PLA2G4D: variants seen among roughly 807,000 people sequenced by gnomAD.
The protein encoded by PLA2G4D is cytosolic phospholipase A2 delta.
In PLA2G4D, 80 loss-of-function variants were observed where a neutral mutation model predicts 94.4. The observed-to-expected ratio is 0.85, with a 90% CI of 0.71 to 1.02. The LOEUF (loss-of-function observed/expected upper bound fraction) is 1.02. PLA2G4D is among the 50% of genes least tolerant of loss of function. The pLI is 0.00. For synonymous variants in PLA2G4D, 438 were observed against 440.9 expected (o/e 0.99, Z 0.08); for missense variants, 1,050 against 1,034.7 (o/e 1.01, Z -0.20).
intron 12 of PLA2G4D, among the ~76,000 whole-genome samples, chr15:42,080,007 A>C (rs2037234): frequency 0.31 from 46,864 of 152,250 alleles, 9,105 homozygotes; most frequent in Admixed American, 0.46. Flanking sequence ...CAAGCCTGTA[A>C]AAATTAATTT....
chr15:42,086,194 T>TTGGGGGGGGGGGGGGGCCG lies in PLA2G4D; in HGVS notation c.387+18_387+19insCGGCCCCCCCCCCCCCCCA. On this transcript the variant is annotated intron_variant, in intron 4 of 19. Transcript: ENST00000290472. ...GGAAGAAGTGGGGCCCACGGGGACT[T>TTGGGGGGGGGGGGGGGCCG]CCCCACCCACCCACCCACCTGGGGA... The TTGGGGGGGGGGGGGGGCCG allele has an allele frequency of 7.3e-7, 1 of 1,370,444 alleles. No individual in the cohort carries two copies. Among genetic ancestry groups the TTGGGGGGGGGGGGGGGCCG allele is most frequent in the Non-Finnish European group, 9.6e-7 (1 of 1,043,084 alleles). 84.9% of individuals were successfully genotyped at this position (1,370,444 alleles called of 1,614,324 possible).
chr15:42,081,703 C>T, intron 10 of PLA2G4D, 89 bp from the exon 11 acceptor site: 1 of 1,611,444 alleles, frequency 6.2e-7, no homozygotes, highest in African/African-American at 1.3e-5. Context: ...CCAAAGAAGC[C>T]CTCTCCTCCA....
chr15:42,072,416 C>G (rs1889844989), intron 13 of PLA2G4D, 24 bp from the exon 14 acceptor site: 8 of 1,584,760 alleles, frequency 5.0e-6, no homozygotes, highest in Non-Finnish European at 6.9e-6. Flanking sequence ...GCATCAGGGC[C>G]TAAGTGAGGC....
Position 42,071,799 on chromosome 15 carries a change from C to A in PLA2G4D, c.1548G>T (p.Pro516=), listed in dbSNP as rs1297813880. Residue 516 remains proline, a synonymous_variant, in exon 15 of 20, where the codon CCG becomes CCT. Transcript: ENST00000290472. ...FFMGRLMRRI[P]EPRICFLEAI... The stretch of plus-strand genomic sequence containing the variant: ...CTTCCAGAAAGCAGATCCGGGGCTC[C>A]GGGATCCTCCTCATCAGCCGTCCCA... 3.7e-6 allele frequency: 6 copies of A among 1,614,016 alleles called. No individual in the cohort carries two copies. Among genetic ancestry groups the A allele is most frequent in the Non-Finnish European group, 5.1e-6 (6 of 1,180,030 alleles).
Position 42,070,735 on chromosome 15 carries a change from G to C in PLA2G4D, c.2025C>G (p.Ser675=). 1 of 1,563,174 alleles carries C rather than the reference G, an allele frequency of 6.4e-7. No individual in the cohort carries two copies. Residue 675 remains serine (S), a synonymous_variant, in exon 18 of 20, where the codon TCC becomes TCG. Transcript: ENST00000290472. ...RLDLILSFDY[S]LSAPFEALQQ... is the part of the protein sequence containing the mutation. ...AGGGTACCTCGAAGGGCGCAGATAG[G>C]GAGTAGTCGAAGGAGAGGATGAGGT... is the stretch of plus-strand genomic sequence containing the variant.
At chr15:42,071,657 C>A in intron 15 of PLA2G4D, 106 bp from the exon 16 acceptor site, 2 of 1,319,536 alleles carry the variant, frequency 1.5e-6, no homozygotes, top group Non-Finnish European at 2.2e-6. Context: ...ACAATGCATC[C>A]CCCCCGCCAC....
rs752379974 is a variant in PLA2G4D, at chr15:42,085,453, GTCCT to G, written c.428+34_428+37del. On this transcript the variant is annotated intron_variant, in intron 5 of 19. Coordinates refer to ENST00000290472, the MANE Select transcript of PLA2G4D (RefSeq NM_178034.4). ...TCAGGGCCATTTCCTCAGAGCCTGAGTCCTGAGACACTCCCTGGGCTGTGTGACA... is the reference window on the plus strand; with the variant it reads ...TCAGGGCCATTTCCTCAGAGCCTGAGGAGACACTCCCTGGGCTGTGTGACA... The G allele has an allele frequency of 2.5e-6, 4 of 1,606,158 alleles. No homozygotes were observed. The East Asian group carries it at 8.9e-5, about 36-fold the overall frequency.
intron 1 of PLA2G4D, among the ~76,000 whole-genome samples, chr15:42,090,067 G>A (rs1004352828): frequency 3.3e-4 from 50 of 152,178 alleles, no homozygotes; most frequent in South Asian, 8.3e-4. Flanking sequence ...TGGTCTTTAC[G>A]GGGGCTTAAA....
intron 1 of PLA2G4D, among the ~76,000 whole-genome samples, chr15:42,093,496 TG>T (rs1391009099): frequency 1.3e-5 from 2 of 152,218 alleles, no homozygotes; most frequent in African/African-American, 4.8e-5. Flanking sequence ...GCCCCTCCAC[TG>T]GCCTGCATCC....
In PLA2G4D at chr15:42,070,038, C is replaced by T. The variant is rs531139675; in HGVS notation, c.2101G>A (p.Glu701Lys). 2.0e-6 allele frequency: 3 copies of T among 1,519,238 alleles called. No homozygotes were observed. The Admixed American group carries it at 6.5e-5, about 33-fold the overall frequency. The allele number at this position is 1,519,238 out of a possible 1,614,324, so 94.1% of individuals were successfully genotyped here. ...RARGLPFPRV[E>K]PSPQDQHQPR... The stretch of plus-strand genomic sequence containing the variant: ...TGGTGCTGGTCCTGAGGGCTGGGTT[C>T]CACCCGGGGGAAGGGCAGCCCCCGG... The change falls in exon 19 of 20, where the codon GAA becomes AAA. Residue 701 changes from glutamate to lysine, a missense_variant. By Grantham distance (56) the Glu-to-Lys change is moderately conservative (BLOSUM62 1). Coordinates refer to ENST00000290472, the MANE Select transcript of PLA2G4D (RefSeq NM_178034.4).
At chr15:42,086,679 C>T (rs1374545106) in intron 3 of PLA2G4D, among the ~76,000 whole-genome samples, 1 of 151,996 alleles carries the variant, frequency 6.6e-6, no homozygotes, top group Non-Finnish European at 1.5e-5. Context: ...GGTGAAACCC[C>T]ATCTCTACTA....
At chr15:42,083,136 C>T in intron 8 of PLA2G4D, 62 bp downstream of exon 8, 1 of 1,563,700 alleles carries the variant, frequency 6.4e-7, no homozygotes, top group Admixed American at 1.8e-5. Flanking sequence ...CAGGGAGGGG[C>T]CCGCTGCAGC....
intron 2 of PLA2G4D, 36 bp downstream of exon 2, chr15:42,087,592 C>T: frequency 6.2e-7 from 1 of 1,613,284 alleles, no homozygotes; most frequent in Non-Finnish European, 8.5e-7. Flanking sequence ...TCTGGTCCTC[C>T]CTGCTCCCGA....
chr15:42,068,500 G>T lies in PLA2G4D; in HGVS notation c.*215C>A. 1 of 581,822 alleles carries T rather than the reference G, an allele frequency of 1.7e-6. No individual in the cohort carries two copies. Among genetic ancestry groups the T allele is most frequent in the Non-Finnish European group, 3.1e-6 (1 of 325,686 alleles). 36.0% of individuals were successfully genotyped at this position (581,822 alleles called of 1,614,324 possible). On this transcript the variant is annotated 3_prime_UTR_variant, in exon 20 of 20. Coordinates refer to ENST00000290472, the MANE Select transcript of PLA2G4D (RefSeq NM_178034.4). Reference sequence around the variant, plus strand: ...GTTGGACCAGCTGTTCTACACACTGGCCTGGCGAAGTTATTTTCAACTCAT... The same window carrying T: ...GTTGGACCAGCTGTTCTACACACTGTCCTGGCGAAGTTATTTTCAACTCAT...
chr15:42,089,676 G>C (rs1379974148), intron 1 of PLA2G4D, among the ~76,000 whole-genome samples: 1 of 152,180 alleles, frequency 6.6e-6, no homozygotes, highest in Non-Finnish European at 1.5e-5. Flanking sequence ...CTGGGATGCT[G>C]GGGCCCTGCA....
chr15:42,081,867 C>T, intron 9 of PLA2G4D, 33 bp from the exon 10 acceptor site: 3 of 1,613,874 alleles, frequency 1.9e-6, no homozygotes, highest in South Asian at 1.1e-5. Flanking sequence ...TGCTCAGACC[C>T]TCCTAGACCC....
intron 1 of PLA2G4D, among the ~76,000 whole-genome samples, chr15:42,092,882 G>T (rs1890268265): frequency 6.6e-6 from 1 of 152,226 alleles, no homozygotes; most frequent in African/African-American, 2.4e-5. Flanking sequence ...CGTGATCCTG[G>T]GTGTTCGGCA....
Position 42,086,194 on chromosome 15 carries a change from T to TTGGGGGGCGCG in PLA2G4D, c.387+18_387+19insCGCGCCCCCCA. The stretch of plus-strand genomic sequence containing the variant: ...GGAAGAAGTGGGGCCCACGGGGACT[T>TTGGGGGGCGCG]CCCCACCCACCCACCCACCTGGGGA... On this transcript the variant is annotated intron_variant, in intron 4 of 19. Coordinates refer to ENST00000290472, the MANE Select transcript of PLA2G4D (RefSeq NM_178034.4). 2 of 1,370,444 alleles carry TTGGGGGGCGCG rather than the reference T, an allele frequency of 1.5e-6. No individual in the cohort carries two copies. The highest frequency in any genetic ancestry group is 1.9e-6 in the Non-Finnish European group (2 of 1,043,084). 84.9% of individuals were successfully genotyped at this position (1,370,444 alleles called of 1,614,324 possible). A position where few individuals can be genotyped will look rare whatever the true frequency, so the allele number is the denominator to read the frequency against.
At chr15:42,076,920 G>A (rs1349659021) in intron 13 of PLA2G4D, among the ~76,000 whole-genome samples, 2 of 152,156 alleles carry the variant, frequency 1.3e-5, no homozygotes, top group Non-Finnish European at 2.9e-5. Flanking sequence ...AATTGTTCAT[G>A]CAAATAATAT....
Sources: allele counts gnomAD v4.1 joint callset (sites outside exome capture counted in the v4.1 genomes callset), GRCh38; gene constraint gnomAD v4.1.1; transcripts MANE v1.5; gene names NCBI Gene and HGNC (gene_info 2026-07-23, HGNC 2026-07-21).